Variants in PTGER2 observed in about 807,000 individuals in gnomAD.
PTGER2 encodes prostaglandin E2 receptor EP2 subtype.
PTGER2 carries 22 observed loss-of-function variants against 26.2 expected under a neutral mutation model. The ratio of observed to expected loss-of-function variants is 0.84; its 90% confidence interval spans 0.60 to 1.20. The LOEUF is 1.20. Ranked by LOEUF, PTGER2 falls within the 50% of genes most tolerant of loss-of-function variation. The pLI, the probability that PTGER2 is intolerant of heterozygous loss-of-function variation, is 0.00. For missense variants in PTGER2, 458 were observed against 475.2 expected (o/e 0.96, Z 0.34); for synonymous variants, 219 against 208.9 (o/e 1.05, Z -0.42).
Position 52,328,012 on chromosome 14 carries a change from C to T in PTGER2, c.*558C>T, listed in dbSNP as rs1240036976. ...TGTGTATGTGGGAGTACTCTCATCA[C>T]TACAGTATTACTCTTACAAGAGTGG... On this transcript the variant is annotated 3_prime_UTR_variant, in exon 2 of 2. Coordinates refer to ENST00000245457, the MANE Select transcript of PTGER2 (RefSeq NM_000956.4). 1 of 153,512 alleles carries T rather than the reference C, an allele frequency of 6.5e-6. No individual in the cohort carries two copies. Among genetic ancestry groups the T allele is most frequent in the Non-Finnish European group, 1.5e-5 (1 of 68,724 alleles). The allele number at this position is 153,512 out of a possible 1,614,324, so 9.5% of individuals were successfully genotyped here.
intron 1 of PTGER2, among the ~76,000 whole-genome samples, chr14:52,321,247 A>G (rs549494621): frequency 9.3e-6 from 1 of 108,104 alleles, no homozygotes; most frequent in Non-Finnish European, 2.1e-5. Context: ...CTGAAAAATA[A>G]TCTCCCCCCA....
chr14:52,327,070 G>A, intron 1 of PTGER2, 151 bp from the exon 2 acceptor site: 1 of 611,016 alleles, frequency 1.6e-6, no homozygotes, highest in East Asian at 2.8e-5. Flanking sequence ...AGGAAGAAAG[G>A]TAAGATTCCC....
At chr14:52,315,413 C>T (rs780480694) in intron 1 of PTGER2, 22 bp downstream of exon 1, 1 of 1,609,602 alleles carries the variant, frequency 6.2e-7, no homozygotes, top group South Asian at 1.1e-5. Flanking sequence ...CCTACGTTTC[C>T]ACAGCCCGGC....
At position 52,314,368 on chromosome 14, in the gene PTGER2, C is replaced by T. The variant is rs1345084011; in HGVS notation, c.-181C>T. The T allele has an allele frequency of 1.5e-6, 1 of 660,578 alleles. No individual in the cohort carries two copies. The highest frequency in any genetic ancestry group is 3.5e-5 in the East Asian group (1 of 28,404). The allele number at this position is 660,578 out of a possible 1,614,324, so 40.9% of individuals were successfully genotyped here. ...CGGATGCAGCAGCCGAGCCGCCACT[C>T]GGCGCGCGGCGGGAGACCCAGGGCA... On this transcript the variant is annotated 5_prime_UTR_variant, in exon 1 of 2. Coordinates refer to ENST00000245457, the MANE Select transcript of PTGER2 (RefSeq NM_000956.4). The surrounding 1 kb of genome is among the most constrained non-coding windows in gnomAD (Gnocchi z 5.7).
At chr14:52,322,353 G>A (rs930018808) in intron 1 of PTGER2, among the ~76,000 whole-genome samples, 3 of 152,022 alleles carry the variant, frequency 2.0e-5, no homozygotes, top group Admixed American at 2.0e-4. Context: ...GGAAAAAGGA[G>A]AACAAAGATC....
intron 1 of PTGER2, among the ~76,000 whole-genome samples, chr14:52,325,711 C>T (rs1357983320): frequency 6.6e-6 from 1 of 152,234 alleles, no homozygotes; most frequent in East Asian, 1.9e-4. Context: ...GGGAAACCCA[C>T]CATCAATTCT....
At chr14:52,327,157 G>T in intron 1 of PTGER2, 64 bp from the exon 2 acceptor site, 1 of 1,191,410 alleles carries the variant, frequency 8.4e-7, no homozygotes. Flanking sequence ...CATAACATAG[G>T]GTCTAAGCCT....
intron 1 of PTGER2, among the ~76,000 whole-genome samples, chr14:52,319,067 A>G (rs919237774): frequency 6.6e-6 from 1 of 152,226 alleles, no homozygotes; most frequent in African/African-American, 2.4e-5. Flanking sequence ...CCTAACCACA[A>G]CACTATCCAA....
Position 52,314,554 on chromosome 14 carries a change from C to A in PTGER2, c.6C>A (p.Gly2=). 6.7e-7 allele frequency: 1 copy of A among 1,492,308 alleles called. No individual in the cohort carries two copies. The highest frequency in any genetic ancestry group is 8.9e-7 in the Non-Finnish European group (1 of 1,121,828). The allele number at this position is 1,492,308 out of a possible 1,614,324, so 92.4% of individuals were successfully genotyped here. A position where few individuals can be genotyped will look rare whatever the true frequency, so the allele number is the denominator to read the frequency against. M[G]NASNDSQSED... is the part of the protein sequence containing the mutation. ...TCTTTTCCAGGCACCCCACCATGGG[C>A]AATGCCTCCAATGACTCCCAGTCTG... Residue 2 remains glycine, a synonymous_variant, in exon 1 of 2, where the codon GGC becomes GGA. Transcript: ENST00000245457. The surrounding 1 kb of genome is among the most constrained non-coding windows in gnomAD (Gnocchi z 5.7).
intron 1 of PTGER2, among the ~76,000 whole-genome samples, chr14:52,318,780 G>C (rs1241886233): frequency 6.6e-6 from 1 of 152,206 alleles, no homozygotes; most frequent in Non-Finnish European, 1.5e-5. Context: ...CCAGTCTAGG[G>C]CTTCCAAAAT....
chr14:52,325,804 C>T (rs950834318), intron 1 of PTGER2, among the ~76,000 whole-genome samples: 1 of 152,252 alleles, frequency 6.6e-6, no homozygotes, highest in Non-Finnish European at 1.5e-5. Context: ...GGCTGCCAAA[C>T]CTTCCTGCTC....
chr14:52,319,429 A>G (rs934811548), intron 1 of PTGER2, among the ~76,000 whole-genome samples: 11 of 152,242 alleles, frequency 7.2e-5, no homozygotes, highest in Admixed American at 3.3e-4. Context: ...AGTGACCAAA[A>G]ACCATGTGGT....
chr14:52,317,355 T>A (rs2033851293), intron 1 of PTGER2, among the ~76,000 whole-genome samples: 1 of 152,188 alleles, frequency 6.6e-6, no homozygotes, highest in Non-Finnish European at 1.5e-5. Flanking sequence ...TAAACTGTAT[T>A]TTTTTTAAAT....
Position 52,314,418 on chromosome 14 carries a change from G to C in PTGER2, c.-131G>C. The C allele has an allele frequency of 8.9e-7, 1 of 1,119,792 alleles. No individual in the cohort carries two copies. The highest frequency in any genetic ancestry group is 1.1e-6 in the Non-Finnish European group (1 of 869,630). 69.4% of individuals were successfully genotyped at this position (1,119,792 alleles called of 1,614,324 possible). ...AAGCCGCCGTCGGCGCGCTGGGTGCGGGAAGGGGGCTCTGGATTTCGGTCC... is the reference window on the plus strand; with the variant it reads ...AAGCCGCCGTCGGCGCGCTGGGTGCCGGAAGGGGGCTCTGGATTTCGGTCC... On this transcript the variant is annotated 5_prime_UTR_variant, in exon 1 of 2. Transcript: ENST00000245457. This position sits in a 1 kb window ranked among gnomAD's most constrained non-coding sequence, Gnocchi z 5.7.
intron 1 of PTGER2, among the ~76,000 whole-genome samples, chr14:52,322,130 G>T (rs1358675141): frequency 1.3e-5 from 2 of 152,126 alleles, no homozygotes; most frequent in Non-Finnish European, 2.9e-5. Context: ...TTCAACTTAG[G>T]TTCTTTCTAT....
chr14:52,321,869 T>C (rs901445922), intron 1 of PTGER2, among the ~76,000 whole-genome samples: 13 of 152,246 alleles, frequency 8.5e-5, no homozygotes, highest in African/African-American at 2.9e-4. Flanking sequence ...TGTATATTAA[T>C]GGTCAGGAAA....
At chr14:52,321,922 T>G (rs1205795718) in intron 1 of PTGER2, among the ~76,000 whole-genome samples, 35 of 152,222 alleles carry the variant, frequency 2.3e-4, no homozygotes, top group Admixed American at 2.2e-3. Flanking sequence ...TTGACCTAAG[T>G]GGGCCTTTTG....
At chr14:52,321,561 C>T (rs2033895897) in intron 1 of PTGER2, among the ~76,000 whole-genome samples, 1 of 152,148 alleles carries the variant, frequency 6.6e-6, no homozygotes, top group Non-Finnish European at 1.5e-5. Context: ...ACATTACAGG[C>T]TTTTTATATA....
Position 52,315,359 on chromosome 14 carries a change from A to G in PTGER2, c.811A>G (p.Ile271Val), listed in dbSNP as rs766195724. 6.2e-7 allele frequency: 1 copy of G among 1,612,874 alleles called. No homozygotes were observed. Among genetic ancestry groups the G allele is most frequent in the Non-Finnish European group, 8.5e-7 (1 of 1,179,852 alleles). ...DHLILLAIMT[I>V]TFAVCSLPFT... ...CCTCATTCTCCTGGCTATCATGACCATCACCTTCGCCGTCTGCTCCTTGCC... is the reference window on the plus strand; with the variant it reads ...CCTCATTCTCCTGGCTATCATGACCGTCACCTTCGCCGTCTGCTCCTTGCC... Residue 271 changes from isoleucine to valine, a missense_variant, in exon 1 of 2, where the codon ATC (isoleucine) becomes GTC (valine). Transcript: ENST00000245457.
Sources: allele counts gnomAD v4.1 joint callset (sites outside exome capture counted in the v4.1 genomes callset), GRCh38; gene constraint gnomAD v4.1.1; non-coding constraint Gnocchi (gnomAD v3.1); transcripts MANE v1.5; gene names NCBI Gene and HGNC (gene_info 2026-07-23, HGNC 2026-07-21).